Variants in HDGFL3 observed in about 807,000 individuals in gnomAD.
HDGFL3 encodes the protein HDGF like 3.
HDGFL3 carries 6 observed loss-of-function variants against 27.6 expected under a neutral mutation model. The ratio of observed to expected loss-of-function variants is 0.22; its 90% confidence interval spans 0.12 to 0.43. The LOEUF is 0.43. HDGFL3 is among the 20% of genes least tolerant of loss of function. The pLI, the probability that HDGFL3 is intolerant of heterozygous loss-of-function variation, is 1.00. For missense variants in HDGFL3, 207 were observed against 250.1 expected (o/e 0.83, Z 1.16); for synonymous variants, 88 against 88.9 (o/e 0.99, Z 0.05).
At chr15:83,164,955 T>C (rs773483993) in intron 1 of HDGFL3, among the ~76,000 whole-genome samples, 5 of 152,236 alleles carry the variant, frequency 3.3e-5, no homozygotes, top group Admixed American at 6.5e-5. Context: ...CCTTCTCTGA[T>C]GGTTGAACTT....
intron 3 of HDGFL3, chr15:83,122,727 A>G: frequency 1.2e-6 from 2 of 1,607,254 alleles, no homozygotes; most frequent in Non-Finnish European, 1.7e-6. Context: ...TGCTTTTGGT[A>G]ACTTCTTTCT....
chr15:83,204,979 C>T (rs1168235923), intron 1 of HDGFL3, among the ~76,000 whole-genome samples: 1 of 152,178 alleles, frequency 6.6e-6, no homozygotes, highest in African/African-American at 2.4e-5. Flanking sequence ...ATACAAAGTG[C>T]CTTCCTACAA....
rs766756491 is a variant in HDGFL3 at position 83,130,561 on chromosome 15, A to C, written c.*8709T>G. The C allele has an allele frequency of 6.6e-6, 1 of 152,318 alleles. No homozygotes were observed. Among genetic ancestry groups the C allele is most frequent in the Admixed American group, 6.5e-5 (1 of 15,282 alleles). The allele number at this position is 152,318 out of a possible 1,614,324, so 9.4% of individuals were successfully genotyped here. A position where few individuals can be genotyped will look rare whatever the true frequency, so the allele number is the denominator to read the frequency against. On this transcript the variant is annotated 3_prime_UTR_variant, in exon 6 of 6. Coordinates refer to ENST00000299633, the MANE Select transcript of HDGFL3 (RefSeq NM_016073.4). ...GTCAGAAGGATGTTTCTCCCAGCCC[A>C]GCAGGTGAAGACAGACTGAGTAAAG...
intron 1 of HDGFL3, among the ~76,000 whole-genome samples, chr15:83,165,794 CAAA>C (rs57873221): frequency 7.2e-5 from 1 of 13,848 alleles, no homozygotes; most frequent in East Asian, 1.8e-3. Flanking sequence ...GAATCCATCT[CAAA>C]AAAAAAAAAA....
intron 5 of HDGFL3, among the ~76,000 whole-genome samples, chr15:83,143,947 AG>A (rs1461136699): frequency 6.6e-6 from 1 of 151,956 alleles, no homozygotes; most frequent in Admixed American, 6.6e-5. Flanking sequence ...TTGTCATTTG[AG>A]GGTCTGTTTT....
At chr15:83,158,112 C>A in intron 2 of HDGFL3, 71 bp from the exon 3 acceptor site, 1 of 1,315,768 alleles carries the variant, frequency 7.6e-7, no homozygotes, top group Non-Finnish European at 1.1e-6. Flanking sequence ...ATATCAGTAT[C>A]AGTGAAGATG....
At chr15:83,146,354 C>T (rs1363591208) in intron 5 of HDGFL3, among the ~76,000 whole-genome samples, 1 of 152,154 alleles carries the variant, frequency 6.6e-6, no homozygotes, top group Non-Finnish European at 1.5e-5. Flanking sequence ...GTGATGTAGA[C>T]AGTGCTCGTA....
chr15:83,182,466 T>C (rs919392308), intron 1 of HDGFL3, among the ~76,000 whole-genome samples: 2 of 152,214 alleles, frequency 1.3e-5, no homozygotes, highest in Non-Finnish European at 2.9e-5. Flanking sequence ...TATGGCATAT[T>C]CATACAAGGG....
Position 83,136,180 on chromosome 15 carries a change from T to C in HDGFL3, c.*3090A>G, listed in dbSNP as rs1315887914. ...AGATTTTTCTATTAGATTGAGCCAC[T>C]AATGTTCGGTAAGGGGCACTTGATG... On this transcript the variant is annotated 3_prime_UTR_variant, in exon 6 of 6. Transcript: ENST00000299633. The C allele has an allele frequency of 2.1e-5, 5 of 241,026 alleles. No homozygotes were observed. The highest frequency in any genetic ancestry group is 3.9e-5 in the Non-Finnish European group (5 of 127,050). 14.9% of individuals were successfully genotyped at this position (241,026 alleles called of 1,614,324 possible).
chr15:83,126,870 G>T (rs2035800725), downstream of HDGFL3: 1 of 1,571,922 alleles, frequency 6.4e-7, no homozygotes, highest in African/African-American at 1.4e-5. Flanking sequence ...TGAAGCCTAA[G>T]ATTTTTCTAA....
chr15:83,161,226 A>T (rs1252396469), intron 2 of HDGFL3, among the ~76,000 whole-genome samples: 1 of 152,194 alleles, frequency 6.6e-6, no homozygotes, highest in Non-Finnish European at 1.5e-5. Context: ...TTTTTTGGGC[A>T]GGGGAGAAAG....
rs191724801 is a variant in HDGFL3, at chr15:83,153,396, A to G, written c.460-2035T>C. ...AGGATCTTTATGAGTAACCTTATAA[A>G]TTAGTTTATAAGTATTACAATTTGG... On this transcript the variant is annotated intron_variant, in intron 4 of 5. Coordinates refer to ENST00000299633, the MANE Select transcript of HDGFL3 (RefSeq NM_016073.4). Among the ~76,000 whole-genome samples, 246 of 152,238 alleles carry G rather than the reference A, an allele frequency of 1.6e-3. 1 individual carries two copies. The highest frequency in any genetic ancestry group is 6.8e-3 in the Middle Eastern group (2 of 294).
intron 1 of HDGFL3, among the ~76,000 whole-genome samples, chr15:83,200,400 T>C (rs1285182090): frequency 1.3e-5 from 2 of 150,934 alleles, no homozygotes; most frequent in African/African-American, 4.9e-5. Context: ...TGGGTAACAA[T>C]GGGAAGTCCC....
chr15:83,182,391 CTT>C (rs1389542839), intron 1 of HDGFL3, among the ~76,000 whole-genome samples: 1 of 152,178 alleles, frequency 6.6e-6, no homozygotes, highest in Non-Finnish European at 1.5e-5. Flanking sequence ...TTCATAGCAA[CTT>C]TATTCCTAAT....
intron 1 of HDGFL3, among the ~76,000 whole-genome samples, chr15:83,174,941 T>A (rs966637457): frequency 4.6e-5 from 7 of 152,256 alleles, no homozygotes; most frequent in African/African-American, 1.7e-4. Flanking sequence ...ACAGTGTTTT[T>A]AAACATTTGA....
chr15:83,177,716 T>G (rs2037330700), intron 1 of HDGFL3, among the ~76,000 whole-genome samples: 2 of 152,214 alleles, frequency 1.3e-5, no homozygotes, highest in African/African-American at 4.8e-5. Context: ...CTTTTAATTT[T>G]TATATGTTAT....
intron 1 of HDGFL3, among the ~76,000 whole-genome samples, chr15:83,197,474 G>A (rs2037585639): frequency 6.6e-6 from 1 of 152,112 alleles, no homozygotes. Flanking sequence ...ACAGTAGCAA[G>A]GCAATCTCTT....
chr15:83,174,106 T>C (rs1159085829), intron 1 of HDGFL3, among the ~76,000 whole-genome samples: 1 of 152,218 alleles, frequency 6.6e-6, no homozygotes, highest in Non-Finnish European at 1.5e-5. Context: ...CTTGGGGCCC[T>C]GAGTTTCAAA....
At chr15:83,145,779 T>G (rs1206382355) in intron 5 of HDGFL3, among the ~76,000 whole-genome samples, 1 of 151,904 alleles carries the variant, frequency 6.6e-6, no homozygotes, top group East Asian at 1.9e-4. Flanking sequence ...TTCTGGTATC[T>G]CAGTTCCTTG....
Sources: gnomAD v4.1 joint callset for allele counts (sites outside exome capture counted in the v4.1 genomes callset) on GRCh38, gnomAD v4.1.1 for gene constraint, MANE v1.5 for transcripts, NCBI Gene and HGNC (gene_info 2026-07-23, HGNC 2026-07-21) for gene names.